The following STK10 variants were observed in gnomAD, a reference collection of about 807,000 sequenced individuals.
STK10 encodes the protein serine/threonine kinase 10.
In STK10, 78 loss-of-function variants were observed where a neutral mutation model predicts 113.8. That is an observed-to-expected ratio of 0.69 (90% confidence interval 0.57 to 0.83). The LOEUF (loss-of-function observed/expected upper bound fraction) is 0.83. Among genes scored for constraint, STK10 ranks in the 40% least tolerant of loss-of-function variants. STK10 has a pLI of 0.00. For missense variants in STK10, 1,109 were observed against 1,280.1 expected, an observed-to-expected ratio of 0.87 and a Z score of 2.04; for synonymous variants, 465 against 494.7, an observed-to-expected ratio of 0.94 and a Z score of 0.80.
intron 1 of STK10, among the ~76,000 whole-genome samples, chr5:172,161,146 G>A (rs983888547): frequency 2.0e-5 from 3 of 152,120 alleles, no homozygotes; most frequent in South Asian, 2.1e-4. Context: ...GGAGCCTTCT[G>A]GAAGGAAGCA....
intron 1 of STK10, among the ~76,000 whole-genome samples, chr5:172,185,200 C>A (rs1770932105): frequency 6.6e-6 from 1 of 152,072 alleles, no homozygotes; most frequent in Admixed American, 6.5e-5. Flanking sequence ...CCAGGACACA[C>A]TGCGGGGAAG....
Position 172,097,593 on chromosome 5 carries a change from T to C in STK10, c.871-1033A>G, listed in dbSNP as rs1768887395. On this transcript the variant is annotated intron_variant, in intron 7 of 18. Coordinates refer to ENST00000176763, the MANE Select transcript of STK10 (RefSeq NM_005990.4). Reference sequence around the variant, plus strand: ...ATTGTCGCCTATTTCAGTAAACTGTTCCTGTTTTATTTCTGTGCAGGGTCT... The same window carrying C: ...ATTGTCGCCTATTTCAGTAAACTGTCCCTGTTTTATTTCTGTGCAGGGTCT... 3.3e-5 allele frequency among the ~76,000 whole-genome samples: 5 copies of C among 152,226 alleles called. No homozygotes were observed. In the South Asian group the frequency reaches 1.0e-3, roughly 31 times the overall value.
intron 1 of STK10, among the ~76,000 whole-genome samples, chr5:172,170,627 G>A (rs1316747087): frequency 6.6e-6 from 1 of 152,228 alleles, no homozygotes; most frequent in Non-Finnish European, 1.5e-5. Context: ...AAGTTCTTGT[G>A]AACCAGCAAA....
intron 12 of STK10, among the ~76,000 whole-genome samples, chr5:172,065,277 C>T (rs527929369): frequency 6.0e-5 from 9 of 149,704 alleles, no homozygotes; most frequent in Non-Finnish European, 8.9e-5. Context: ...TAACACTAGC[C>T]GGGCTGAAAA....
chr5:172,104,886 G>A (rs1483118049), intron 7 of STK10, among the ~76,000 whole-genome samples: 2 of 152,146 alleles, frequency 1.3e-5, no homozygotes, highest in East Asian at 3.9e-4. Context: ...AAAACCCTAA[G>A]GGGCTTCCGT....
intron 1 of STK10, among the ~76,000 whole-genome samples, chr5:172,177,508 G>T (rs1023684604): frequency 1.3e-5 from 2 of 152,202 alleles, no homozygotes; most frequent in Admixed American, 1.3e-4. Context: ...GGCCAGATCT[G>T]TCGTGCCCAA....
At chr5:172,170,672 G>A (rs1300479789) in intron 1 of STK10, among the ~76,000 whole-genome samples, 3 of 152,242 alleles carry the variant, frequency 2.0e-5, no homozygotes, top group African/African-American at 4.8e-5. Context: ...TTGGCCCAAA[G>A]ATACCAAGTC....
intron 12 of STK10, among the ~76,000 whole-genome samples, chr5:172,073,811 A>AAAAAAAC (rs1768250119): frequency 6.7e-6 from 1 of 149,954 alleles, no homozygotes; most frequent in Non-Finnish European, 1.5e-5. Context: ...AAAAAAAAAA[A>AAAAAAAC]AAAATTAGTC....
intron 16 of STK10, 94 bp from the exon 17 acceptor site, chr5:172,054,788 G>C: frequency 1.3e-6 from 2 of 1,555,192 alleles, no homozygotes; most frequent in Admixed American, 1.7e-5. Context: ...AGACCCCTCA[G>C]GGGGACTGGT....
At chr5:172,185,309 G>A (rs974269759) in intron 1 of STK10, among the ~76,000 whole-genome samples, 6 of 151,832 alleles carry the variant, frequency 4.0e-5, no homozygotes, top group Admixed American at 6.6e-5. Context: ...TCGCTCTGTC[G>A]CCAGGCTGGA....
At chr5:172,046,044 T>C (rs1767487458) in intron 18 of STK10, among the ~76,000 whole-genome samples, 1 of 151,624 alleles carries the variant, frequency 6.6e-6, no homozygotes, top group Non-Finnish European at 1.5e-5. Flanking sequence ...TCTCCTTATA[T>C]ACTTAAAAGT....
At chr5:172,050,059 T>C (rs578131044) in intron 18 of STK10, among the ~76,000 whole-genome samples, 2 of 152,210 alleles carry the variant, frequency 1.3e-5, no homozygotes, top group Non-Finnish European at 2.9e-5. Flanking sequence ...CGCCTTGGCC[T>C]CCCAAAGTGC....
intron 2 of STK10, among the ~76,000 whole-genome samples, chr5:172,140,628 C>T (rs1404820308): frequency 2.0e-5 from 3 of 152,150 alleles, no homozygotes; most frequent in Admixed American, 6.5e-5. Flanking sequence ...ATCCGGGAGG[C>T]GGAGGTTGCA....
rs1256303857 is a variant in STK10 at position 172,184,507 on chromosome 5, T to C, written c.156+3380A>G. Among the ~76,000 whole-genome samples the C allele has an allele frequency of 2.6e-5, 4 of 152,140 alleles. No individual in the cohort carries two copies. In the East Asian group the frequency reaches 7.7e-4, roughly 29 times the overall value. On this transcript the variant is annotated intron_variant, in intron 1 of 18. Coordinates refer to ENST00000176763, the MANE Select transcript of STK10 (RefSeq NM_005990.4). Reference sequence around the variant, plus strand: ...GTACATGCTAAGGCCAAGTAGGTAATAGATTGTTCAGGTCTATCAGCAATC... The same window carrying C: ...GTACATGCTAAGGCCAAGTAGGTAACAGATTGTTCAGGTCTATCAGCAATC...
chr5:172,096,713 A>G (rs1768864042), intron 7 of STK10, among the ~76,000 whole-genome samples, 153 bp from the exon 8 acceptor site: 1 of 152,194 alleles, frequency 6.6e-6, no homozygotes, highest in Admixed American at 6.5e-5. Context: ...CAGCCTGGAA[A>G]GTCCCAAGTG....
At chr5:172,182,687 G>A (rs1304950184) in intron 1 of STK10, among the ~76,000 whole-genome samples, 1 of 151,318 alleles carries the variant, frequency 6.6e-6, no homozygotes, top group African/African-American at 2.4e-5. Context: ...CAGAGCAGCT[G>A]GGATTACAGG....
chr5:172,083,109 T>A (rs1768472110), intron 10 of STK10, 25 bp from the exon 11 acceptor site: 1 of 1,612,900 alleles, frequency 6.2e-7, no homozygotes. Context: ...GATACAGATA[T>A]TTCACAGTAA....
rs181479397 is a variant in STK10, at chr5:172,175,802, A to G, written c.156+12085T>C. Among the ~76,000 whole-genome samples, 362 of 152,248 alleles carry G rather than the reference A, an allele frequency of 2.4e-3. 1 individual carries two copies. Among genetic ancestry groups the G allele is most frequent in the African/African-American group, 8.4e-3 (348 of 41,542 alleles). On this transcript the variant is annotated intron_variant, in intron 1 of 18. Transcript: ENST00000176763. Reference sequence around the variant, plus strand: ...AAGAGACACGCTCCTGGCCAGAAAGATCTGGATGCAAGTCCCAGCCCTGCC... The same window carrying G: ...AAGAGACACGCTCCTGGCCAGAAAGGTCTGGATGCAAGTCCCAGCCCTGCC...
At chr5:172,083,678 CA>C (rs1438536983) in intron 10 of STK10, among the ~76,000 whole-genome samples, 4 of 151,696 alleles carry the variant, frequency 2.6e-5, no homozygotes, top group Non-Finnish European at 4.4e-5. Context: ...GAGGCCAAAG[CA>C]GAAGAATCAC....
Sources: allele counts gnomAD v4.1 joint callset (sites outside exome capture counted in the v4.1 genomes callset), GRCh38; gene constraint gnomAD v4.1.1; transcripts MANE v1.5; gene names NCBI Gene and HGNC (gene_info 2026-07-23, HGNC 2026-07-21).